SLC2A14: variants seen among roughly 807,000 people sequenced by gnomAD.
The protein encoded by SLC2A14 is solute carrier family 2 member 14, also known as solute carrier family 2, facilitated glucose transporter member 14.
SLC2A14 carries 13 observed loss-of-function variants against 43.0 expected under a neutral mutation model. The ratio of observed to expected loss-of-function variants is 0.30; its 90% CI spans 0.20 to 0.48. The LOEUF (loss-of-function observed/expected upper bound fraction) is 0.48. Ranked by LOEUF, SLC2A14 falls within the 20% of genes least tolerant of loss-of-function variation. SLC2A14 has a pLI of 0.99. For missense variants in SLC2A14, 428 were observed against 620.4 expected, an observed-to-expected ratio of 0.69 and a Z score of 3.29; for synonymous variants, 190 against 233.8, an observed-to-expected ratio of 0.81 and a Z score of 1.71.
chr12:7,891,131 G>T, exon 1 of SLC2A14: 1 of 1,532,204 alleles, frequency 6.5e-7, no homozygotes, highest in South Asian at 1.2e-5. Flanking sequence ...TTTGCATTGT[G>T]AACAAAAGTC....
intron 1 of SLC2A14, 100 bp from the exon 2 acceptor site, chr12:7,870,037 T>G: frequency 1.8e-6 from 1 of 570,122 alleles, no homozygotes; most frequent in Non-Finnish European, 3.0e-6. Flanking sequence ...GACACTCCAA[T>G]AAATACTTCT....
At chr12:7,873,450 T>A, upstream of SLC2A14, 1 of 678,894 alleles carries the variant, frequency 1.5e-6, no homozygotes, top group Non-Finnish European at 1.8e-6. Flanking sequence ...GAGACCAGCC[T>A]GGCCAACATG....
chr12:7,836,759 C>T (rs1029952175), intron 2 of SLC2A14, among the ~76,000 whole-genome samples: 4 of 151,928 alleles, frequency 2.6e-5, no homozygotes, highest in African/African-American at 9.7e-5. Flanking sequence ...TCACTTGAAC[C>T]CGGGAGGCGG....
intron 1 of SLC2A14, among the ~76,000 whole-genome samples, chr12:7,881,145 C>T (rs1000394370): frequency 1.3e-5 from 2 of 152,136 alleles, no homozygotes; most frequent in African/African-American, 2.4e-5. Context: ...CGCTCGCTCT[C>T]GGCACTTCCT....
chr12:7,833,935 T>C (rs1306195639), intron 2 of SLC2A14, among the ~76,000 whole-genome samples: 1 of 152,172 alleles, frequency 6.6e-6, no homozygotes, highest in African/African-American at 2.4e-5. Context: ...ATCTTCTATG[T>C]CCTTTCCCGC....
chr12:7,879,706 T>C (rs968342262), intron 1 of SLC2A14, among the ~76,000 whole-genome samples: 1 of 151,068 alleles, frequency 6.6e-6, no homozygotes, highest in Non-Finnish European at 1.5e-5. Flanking sequence ...AAAAAAAATA[T>C]AACAACAAGT....
intron 10 of SLC2A14, among the ~76,000 whole-genome samples, chr12:7,816,797 T>C (rs1470762047): frequency 2.0e-5 from 3 of 151,846 alleles, no homozygotes; most frequent in African/African-American, 7.3e-5. Flanking sequence ...GAACTCCACC[T>C]CCTGGTTTCA....
At chr12:7,856,366 C>T (rs1334687655) in intron 2 of SLC2A14, 1 of 152,148 alleles carries the variant, frequency 6.6e-6, no homozygotes, top group Non-Finnish European at 1.5e-5. Context: ...AGCTTCTCCA[C>T]AGAGCATGGC....
At chr12:7,855,099 C>T (rs764094804) in intron 2 of SLC2A14, among the ~76,000 whole-genome samples, 2 of 151,918 alleles carry the variant, frequency 1.3e-5, no homozygotes, top group Non-Finnish European at 2.9e-5. Flanking sequence ...TGAGCCACCG[C>T]ATCCAGCCAG....
At chr12:7,848,922 T>A (rs781329428) in intron 2 of SLC2A14, among the ~76,000 whole-genome samples, 1 of 151,326 alleles carries the variant, frequency 6.6e-6, no homozygotes, top group East Asian at 2.0e-4. Context: ...AGTGGTGCGA[T>A]CTGGGCTCAC....
chr12:7,824,399 G>A (rs1263961917), intron 7 of SLC2A14, among the ~76,000 whole-genome samples: 1 of 151,986 alleles, frequency 6.6e-6, no homozygotes, highest in Non-Finnish European at 1.5e-5. Flanking sequence ...TTATCACAAT[G>A]TCTACACATC....
chr12:7,837,015 A>G (rs1865515087), intron 2 of SLC2A14, among the ~76,000 whole-genome samples: 1 of 151,220 alleles, frequency 6.6e-6, no homozygotes, highest in South Asian at 2.1e-4. Flanking sequence ...AAAAATACAA[A>G]AATTATCCGA....
intron 1 of SLC2A14, among the ~76,000 whole-genome samples, chr12:7,881,306 C>A (rs1220667683): frequency 6.6e-6 from 1 of 152,000 alleles, no homozygotes; most frequent in East Asian, 1.9e-4. Context: ...AACCCGGCTG[C>A]GCGCGGTGCT....
In SLC2A14 at chr12:7,871,036, CCG is replaced by C. The variant is rs1592315292; in HGVS notation, c.-57-1101_-57-1100del. 7 of 1,425,694 alleles carry C rather than the reference CCG, an allele frequency of 4.9e-6. No individual in the cohort carries two copies. In the East Asian group the frequency reaches 2.4e-4, roughly 49 times the overall value. 88.3% of individuals were successfully genotyped at this position (1,425,694 alleles called of 1,614,324 possible). On this transcript the variant is annotated intron_variant, in intron 1 of 10. Coordinates refer to ENST00000431042, the MANE Select transcript of SLC2A14 (RefSeq NM_001286234.2). ...GGGACAGCACGACAAGCTGGCTTCA[CCG>C]CGGAAGAACCCCATGGATGAATACC...
At chr12:7,866,003 G>A (rs1944886731) in intron 2 of SLC2A14, among the ~76,000 whole-genome samples, 1 of 152,010 alleles carries the variant, frequency 6.6e-6, no homozygotes. Context: ...GATCATCTGA[G>A]GTCAGGAGTT....
At chr12:7,886,652 A>G (rs1945693657) in intron 1 of SLC2A14, among the ~76,000 whole-genome samples, 1 of 152,034 alleles carries the variant, frequency 6.6e-6, no homozygotes, top group Non-Finnish European at 1.5e-5. Context: ...ATCATTGGTA[A>G]TTGGAGAGTA....
Position 7,827,583 on chromosome 12 carries a change from A to C in SLC2A14, c.776T>G (p.Leu259Arg). The change falls in exon 7 of 11, where the codon CTG becomes CGG. Residue 259 changes from leucine to arginine, a missense_variant. Leu to Arg is a moderately radical substitution (Grantham distance 102). Around this residue, in one of 4 missense-constraint regions of SLC2A14, gnomAD observed 185 missense variants for 275.4 expected, o/e 0.67. Transcript: ENST00000431042. The part of the protein sequence containing the change: ...RMSQEKQVTV[L>R]ELFRVSSYRQ... ...GTAGCTGGACACTCTAAAGAGCTCCAGCACGGTGACTTGCTTTTCTTGTGA... is the reference window on the plus strand; with the variant it reads ...GTAGCTGGACACTCTAAAGAGCTCCCGCACGGTGACTTGCTTTTCTTGTGA... The C allele has an allele frequency of 6.2e-7, 1 of 1,613,278 alleles. No homozygotes were observed.
chr12:7,873,257 C>G (rs1945339374), upstream of SLC2A14: 1 of 985,464 alleles, frequency 1.0e-6, no homozygotes. Context: ...GATACCCGAG[C>G]CCCTCACCGC....
intron 1 of SLC2A14, among the ~76,000 whole-genome samples, chr12:7,881,469 G>A (rs980203650): frequency 3.9e-5 from 6 of 152,090 alleles, no homozygotes; most frequent in African/African-American, 1.4e-4. Context: ...AGCAGTGCCG[G>A]CCCACCGGCG....
Sources: allele counts gnomAD v4.1 joint callset (sites outside exome capture counted in the v4.1 genomes callset), GRCh38; gene constraint gnomAD v4.1.1; regional missense constraint gnomAD v4.1.1; transcripts MANE v1.5; gene names NCBI Gene and HGNC (gene_info 2026-07-23, HGNC 2026-07-21).